The following NCOA7 variants were observed in gnomAD, a reference collection of about 807,000 sequenced individuals.
The protein encoded by NCOA7 is 140 kDa estrogen receptor-associated protein.
A neutral mutation model predicts 104.3 loss-of-function variants in NCOA7; 45 were observed. That is an observed-to-expected ratio of 0.43 (90% CI 0.34 to 0.55). The LOEUF (loss-of-function observed/expected upper bound fraction) is 0.55. Ranked by LOEUF, NCOA7 falls within the 20% of genes least tolerant of loss-of-function variation. The pLI is 0.02. For missense variants in NCOA7, 1,041 were observed against 1,119.7 expected, an observed-to-expected ratio of 0.93 and a Z score of 1.00; for synonymous variants, 398 against 402.3, an observed-to-expected ratio of 0.99 and a Z score of 0.13.
chr6:125,796,153 G>T (rs1775307344), intron 1 of NCOA7, among the ~76,000 whole-genome samples: 1 of 151,940 alleles, frequency 6.6e-6, no homozygotes, highest in Non-Finnish European at 1.5e-5. Flanking sequence ...TCCCAAGTAG[G>T]CTTCCATACT....
Position 125,791,041 on chromosome 6 carries a change from C to T in NCOA7, c.-91C>T, listed in dbSNP as rs1451851552. ...GCGACCGATCCCCTTCTCCCGGACC[C>T]CAGGAGCCGGCGCCCCCGCCCTGTA... On this transcript the variant is annotated 5_prime_UTR_variant, in exon 1 of 16. Coordinates refer to ENST00000392477, the MANE Select transcript of NCOA7 (RefSeq NM_181782.5). The T allele has an allele frequency of 6.6e-6, 1 of 152,468 alleles. No individual in the cohort carries two copies. Among genetic ancestry groups the T allele is most frequent in the Non-Finnish European group, 1.5e-5 (1 of 68,320 alleles). 9.4% of individuals were successfully genotyped at this position (152,468 alleles called of 1,614,324 possible).
intron 7 of NCOA7, among the ~76,000 whole-genome samples, chr6:125,884,868 G>A (rs899685618): frequency 6.6e-6 from 1 of 152,196 alleles, no homozygotes; most frequent in African/African-American, 2.4e-5. Flanking sequence ...AATCTGAGAC[G>A]TGCATGTGAG....
At chr6:125,837,372 T>C (rs1027767914) in intron 2 of NCOA7, among the ~76,000 whole-genome samples, 1 of 152,110 alleles carries the variant, frequency 6.6e-6, no homozygotes, top group African/African-American at 2.4e-5. Flanking sequence ...TTCAAAGAAA[T>C]AAGTATATCA....
At chr6:125,828,098 A>G (rs544925059) in intron 2 of NCOA7, among the ~76,000 whole-genome samples, 1 of 152,374 alleles carries the variant, frequency 6.6e-6, no homozygotes, top group East Asian at 1.9e-4. Flanking sequence ...GGCCTCAGCC[A>G]TGGGAAAGGA....
At chr6:125,800,764 C>T (rs902854885) in intron 1 of NCOA7, among the ~76,000 whole-genome samples, 17 of 152,154 alleles carry the variant, frequency 1.1e-4, no homozygotes, top group Middle Eastern at 3.2e-3. Context: ...TGGTGGCTCA[C>T]GCCTGTAATT....
intron 3 of NCOA7, among the ~76,000 whole-genome samples, chr6:125,856,331 A>G (rs1157850852): frequency 6.7e-6 from 1 of 149,302 alleles, no homozygotes; most frequent in African/African-American, 2.4e-5. Flanking sequence ...ACATATGTTT[A>G]TGTCTCCATG....
At chr6:125,834,874 A>G (rs1779485000) in intron 2 of NCOA7, among the ~76,000 whole-genome samples, 2 of 152,238 alleles carry the variant, frequency 1.3e-5, no homozygotes, top group South Asian at 4.1e-4. Context: ...TTACAGAAAT[A>G]GCATTGATTA....
intron 2 of NCOA7, among the ~76,000 whole-genome samples, chr6:125,822,055 C>T (rs369719422): frequency 3.3e-5 from 5 of 152,174 alleles, no homozygotes; most frequent in African/African-American, 7.2e-5. Context: ...GATTATACCA[C>T]GTGGGTGGAG....
chr6:125,884,193 CT>C (rs983726808), intron 7 of NCOA7, among the ~76,000 whole-genome samples: 1 of 152,106 alleles, frequency 6.6e-6, no homozygotes, highest in African/African-American at 2.4e-5. Flanking sequence ...GGATTGCATT[CT>C]TTTTTTATGG....
At chr6:125,832,860 G>A (rs938684337) in intron 2 of NCOA7, among the ~76,000 whole-genome samples, 2 of 152,270 alleles carry the variant, frequency 1.3e-5, no homozygotes, top group African/African-American at 4.8e-5. Flanking sequence ...CTGCAGCCTC[G>A]GCTGCTCCAG....
chr6:125,853,893 G>C (rs1781336126), intron 2 of NCOA7, among the ~76,000 whole-genome samples: 1 of 152,106 alleles, frequency 6.6e-6, no homozygotes, highest in Admixed American at 6.5e-5. Context: ...TAGCCTCAGG[G>C]AGGGACCTCT....
At chr6:125,849,431 C>T (rs1317542087) in intron 2 of NCOA7, among the ~76,000 whole-genome samples, 1 of 152,190 alleles carries the variant, frequency 6.6e-6, no homozygotes, top group Non-Finnish European at 1.5e-5. Context: ...CATTCTTCTG[C>T]CCTTGGGGAA....
intron 11 of NCOA7, among the ~76,000 whole-genome samples, chr6:125,916,039 G>A (rs1459666264): frequency 2.0e-5 from 3 of 152,232 alleles, no homozygotes; most frequent in South Asian, 4.1e-4. Context: ...TTGGCTCCAC[G>A]TCCCCATGCA....
At chr6:125,916,320 T>C (rs1343746742) in intron 11 of NCOA7, among the ~76,000 whole-genome samples, 1 of 152,230 alleles carries the variant, frequency 6.6e-6, no homozygotes, top group African/African-American at 2.4e-5. Context: ...ATTAAACCTC[T>C]TTTGTTTGTA....
chr6:125,894,542 T>C (rs1784857031), intron 10 of NCOA7, among the ~76,000 whole-genome samples: 1 of 152,202 alleles, frequency 6.6e-6, no homozygotes, highest in Non-Finnish European at 1.5e-5. Flanking sequence ...CCATAATTTC[T>C]TAATTTAAAA....
intron 2 of NCOA7, among the ~76,000 whole-genome samples, chr6:125,820,959 C>T (rs183811979): frequency 7.4e-4 from 113 of 152,282 alleles, no homozygotes; most frequent in African/African-American, 2.6e-3. Context: ...GTGAAAGGGT[C>T]CATGATAGGC....
rs66522338 is a variant in NCOA7 at position 125,827,188 on chromosome 6, CAAAAAAA to C, written c.50+11806_50+11812del. ...GGGCAACAAGAGTGAAACTCCATCTCAAAAAAAAAAAAAAAAAAAAAAAAAAAAGTGA... is the reference window on the plus strand; with the variant it reads ...GGGCAACAAGAGTGAAACTCCATCTCAAAAAAAAAAAAAAAAAAAAAGTGA... On this transcript the variant is annotated intron_variant, in intron 2 of 15. Coordinates refer to ENST00000392477, the MANE Select transcript of NCOA7 (RefSeq NM_181782.5). Among the ~76,000 whole-genome samples, 100 of 79,006 alleles carry C rather than the reference CAAAAAAA, an allele frequency of 1.3e-3. 1 individual carries two copies. The highest frequency in any genetic ancestry group is 9.7e-4 in the Non-Finnish European group (44 of 45,228). 51.8% of individuals were successfully genotyped at this position (79,006 alleles called of 152,430 possible). A position where few individuals can be genotyped will look rare whatever the true frequency, so the allele number is the denominator to read the frequency against.
At chr6:125,873,847 A>G (rs1367473893) in intron 3 of NCOA7, among the ~76,000 whole-genome samples, 3 of 152,226 alleles carry the variant, frequency 2.0e-5, no homozygotes, top group South Asian at 2.1e-4. Context: ...TTCTGATCAC[A>G]TACAGGTTGG....
chr6:125,815,375 G>T lies in NCOA7; in HGVS notation c.21G>T (p.Lys7Asn), dbSNP rs759182816. Residue 7 changes from lysine to asparagine, a missense_variant, in exon 2 of 16, where the codon AAG becomes AAT. Transcript: ENST00000392477. ...GTATTATGGATACCAAGGAAGAGAA[G>T]AAGGAACGGAAACAAAGTTATTTTG... MDTKEE[K>N]KERKQSYFAR... 1.9e-6 allele frequency: 3 copies of T among 1,608,344 alleles called. No individual in the cohort carries two copies. The highest frequency in any genetic ancestry group is 1.7e-5 in the Admixed American group (1 of 59,000).
Sources: allele counts gnomAD v4.1 joint callset (sites outside exome capture counted in the v4.1 genomes callset), GRCh38; gene constraint gnomAD v4.1.1; transcripts MANE v1.5; gene names NCBI Gene and HGNC (gene_info 2026-07-23, HGNC 2026-07-21).